Variants in RAB38 observed in about 807,000 individuals in gnomAD.
RAB38 encodes RAB38, member RAS oncogene family, also known as ras-related protein Rab-38.
Under a neutral mutation model 18.4 loss-of-function variants are expected in RAB38, and 15 were observed. The ratio of observed to expected loss-of-function variants is 0.82; its 90% CI spans 0.55 to 1.26. The LOEUF (loss-of-function observed/expected upper bound fraction) is 1.26, where lower values mean the gene tolerates loss of function less well. RAB38 is among the 50% of genes most tolerant of loss of function. The probability of loss-of-function intolerance (pLI) is 0.00; values close to 1 mark genes in which losing one functional copy is unlikely to be tolerated. For synonymous variants in RAB38, 101 were observed against 104.4 expected (o/e 0.97, Z 0.20); for missense variants, 294 against 267.4 (o/e 1.10, Z -0.69).
chr11:88,073,842 T>TA, the RAB38 span, among the ~76,000 whole-genome samples: 21 of 152,138 alleles, frequency 1.4e-4, no homozygotes, highest in East Asian at 3.9e-3. Flanking sequence ...GAATAATTTT[T>TA]AAAAAAATCA....
At chr11:87,959,505 G>C in the RAB38 span, among the ~76,000 whole-genome samples, 1 of 152,114 alleles carries the variant, frequency 6.6e-6, no homozygotes, top group East Asian at 1.9e-4. Context: ...CCTCTGTGCT[G>C]AGCATTGTGC....
the RAB38 span, among the ~76,000 whole-genome samples, chr11:87,902,131 A>G: frequency 2.2e-4 from 33 of 151,610 alleles, no homozygotes; most frequent in African/African-American, 8.0e-4. Context: ...AAAGAAATGA[A>G]GGGTTGAAAA....
At chr11:88,008,114 G>T in the RAB38 span, among the ~76,000 whole-genome samples, 1 of 152,034 alleles carries the variant, frequency 6.6e-6, no homozygotes, top group Non-Finnish European at 1.5e-5. Flanking sequence ...TCAGAAGAAA[G>T]AAAAAATTCT....
At chr11:87,940,959 A>G in the RAB38 span, among the ~76,000 whole-genome samples, 1 of 151,732 alleles carries the variant, frequency 6.6e-6, no homozygotes, top group Non-Finnish European at 1.5e-5. Context: ...CTTACTTGGT[A>G]AATGAAAATT....
chr11:88,124,554 C>A (rs1054214953), intron 2 of RAB38, among the ~76,000 whole-genome samples: 5 of 152,190 alleles, frequency 3.3e-5, no homozygotes, highest in Non-Finnish European at 5.9e-5. Flanking sequence ...CAGAGAGATA[C>A]TAGCTAACTA....
chr11:87,910,405 GC>G, the RAB38 span, among the ~76,000 whole-genome samples: 5 of 148,878 alleles, frequency 3.4e-5, no homozygotes, highest in African/African-American at 1.3e-4. Flanking sequence ...TTCCTAGTCT[GC>G]CTTTTTTTTC....
the RAB38 span, among the ~76,000 whole-genome samples, chr11:88,068,933 G>A: frequency 7.2e-5 from 11 of 152,318 alleles, no homozygotes; most frequent in East Asian, 1.7e-3. Context: ...CCTCGGCCTC[G>A]GTGGCCAGAG....
At chr11:88,035,430 T>C in the RAB38 span, among the ~76,000 whole-genome samples, 1 of 152,062 alleles carries the variant, frequency 6.6e-6, no homozygotes. Flanking sequence ...ACATAACTAA[T>C]AGGATAGATG....
chr11:88,091,652 A>G, the RAB38 span, among the ~76,000 whole-genome samples: 4 of 152,092 alleles, frequency 2.6e-5, no homozygotes, highest in South Asian at 8.3e-4. Context: ...CACATCAGTT[A>G]TGGCCTTTCA....
At chr11:87,955,453 C>T in the RAB38 span, among the ~76,000 whole-genome samples, 39 of 152,150 alleles carry the variant, frequency 2.6e-4, no homozygotes, top group Admixed American at 1.1e-3. Context: ...AACCTAGTAT[C>T]GTGTAATATA....
the RAB38 span, among the ~76,000 whole-genome samples, chr11:87,962,699 C>A: frequency 4.6e-5 from 7 of 152,222 alleles, no homozygotes; most frequent in African/African-American, 1.4e-4. Context: ...AGCACTGAGA[C>A]GTCCCTGAAA....
Position 88,175,171 on chromosome 11 carries a change from C to T in RAB38, c.202+12G>A, listed in dbSNP as rs768049415. 8 of 1,585,360 alleles carry T rather than the reference C, an allele frequency of 5.0e-6. No individual in the cohort carries two copies. The African/African-American group carries it at 1.1e-4, about 21-fold the overall frequency. On this transcript the variant is annotated intron_variant, in intron 1 of 2. Coordinates refer to ENST00000243662, the MANE Select transcript of RAB38 (RefSeq NM_022337.3). ...GCGCTCTATCCCCCTGACCCCCTCCCCCCGCGCTCACCTGCGATATCCCAG... is the reference window on the plus strand; with the variant it reads ...GCGCTCTATCCCCCTGACCCCCTCCTCCCGCGCTCACCTGCGATATCCCAG...
At chr11:88,067,599 A>AT in the RAB38 span, among the ~76,000 whole-genome samples, 271 of 152,188 alleles carry the variant, frequency 1.8e-3, no homozygotes, top group African/African-American at 6.0e-3. Flanking sequence ...CAGTGATGTT[A>AT]TTTTTTCCCC....
At chr11:88,076,174 A>G in the RAB38 span, among the ~76,000 whole-genome samples, 34 of 151,970 alleles carry the variant, frequency 2.2e-4, no homozygotes, top group African/African-American at 8.0e-4. Flanking sequence ...GCATCATTAA[A>G]GACTACTACA....
intron 1 of RAB38, chr11:88,174,190 TC>T: frequency 6.8e-6 from 5 of 731,982 alleles, no homozygotes; most frequent in Non-Finnish European, 8.4e-6. Context: ...AAGAGACTTG[TC>T]CAAAGCCACT....
the RAB38 span, among the ~76,000 whole-genome samples, chr11:88,013,682 G>A: frequency 7.6e-4 from 116 of 152,180 alleles, no homozygotes; most frequent in Admixed American, 1.4e-3. Context: ...GACCGAGATG[G>A]ATAAAAAGAA....
At chr11:87,902,379 GT>G in the RAB38 span, among the ~76,000 whole-genome samples, 6 of 151,648 alleles carry the variant, frequency 4.0e-5, no homozygotes, top group African/African-American at 1.4e-4. Context: ...CCATTGAATT[GT>G]TTTGGTGCCA....
the RAB38 span, among the ~76,000 whole-genome samples, chr11:87,951,239 G>A: frequency 1.1e-3 from 174 of 152,076 alleles, 1 homozygote; most frequent in Admixed American, 2.7e-3. Flanking sequence ...AGCTCCATCA[G>A]GTCCTTTAAG....
At chr11:87,893,390 A>ATATTTTTTTTTTT in the RAB38 span, among the ~76,000 whole-genome samples, 3 of 93,890 alleles carry the variant, frequency 3.2e-5, no homozygotes, top group Non-Finnish European at 6.2e-5. Context: ...ATATATATAT[A>ATATTTTTTTTTTT]TTTTTTTTTT....
Sources: gnomAD v4.1 joint callset for allele counts (sites outside exome capture counted in the v4.1 genomes callset) on GRCh38, gnomAD v4.1.1 for gene constraint, MANE v1.5 for transcripts, NCBI Gene and HGNC (gene_info 2026-07-23, HGNC 2026-07-21) for gene names.